The following HNRNPH1 variants were observed in gnomAD, a reference collection of about 807,000 sequenced individuals.
The protein encoded by HNRNPH1 is heterogeneous nuclear ribonucleoprotein H.
A neutral mutation model predicts 58.6 loss-of-function variants in HNRNPH1; 4 were observed. That is an observed-to-expected ratio of 0.07 (90% CI 0.03 to 0.16). The LOEUF is 0.16. Among genes scored for constraint, HNRNPH1 ranks in the 10% least tolerant of loss-of-function variants. HNRNPH1 has a pLI of 1.00. For synonymous variants in HNRNPH1, 192 were observed against 189.2 expected (o/e 1.01, Z -0.12); for missense variants, 271 against 564.2 (o/e 0.48, Z 5.26).
intron 12 of HNRNPH1, 92 bp from the exon 14 acceptor site, chr5:179,615,051 C>CGA: frequency 2.5e-6 from 2 of 813,442 alleles, no homozygotes. Context: ...AAAAAGTATA[C>CGA]GAGTACAAAT....
upstream of HNRNPH1, among the ~76,000 whole-genome samples, chr5:179,627,118 T>C (rs942724515): frequency 6.6e-6 from 1 of 152,120 alleles, no homozygotes; most frequent in Non-Finnish European, 1.5e-5. Flanking sequence ...ACAGAGCTCT[T>C]TATTAAGGCT....
intron 3 of HNRNPH1, chr5:179,620,574 G>A: frequency 8.0e-6 from 2 of 250,086 alleles, no homozygotes; most frequent in Non-Finnish European, 7.9e-6. Context: ...GCTGGTAAAG[G>A]GATCTTACCT....
chr5:179,615,144 G>A, intron 12 of HNRNPH1, 185 bp from the exon 14 acceptor site: 1 of 556,238 alleles, frequency 1.8e-6, no homozygotes, highest in Non-Finnish European at 3.2e-6. Flanking sequence ...CCTTTTCTCT[G>A]CAGTACCAAC....
upstream of HNRNPH1, among the ~76,000 whole-genome samples, chr5:179,626,269 CTTTT>C (rs1203635211): frequency 6.6e-6 from 1 of 151,440 alleles, no homozygotes; most frequent in African/African-American, 2.4e-5. Flanking sequence ...CACCTGGCTA[CTTTT>C]TTTTAAGTTT....
At chr5:179,634,107 T>C (rs1222741056) in exon 2 of HNRNPH1, 2 of 147,292 alleles carry the variant, frequency 1.4e-5, no homozygotes, top group African/African-American at 5.0e-5. Flanking sequence ...GGGCAGGCTT[T>C]GGCCAGCTTC....
chr5:179,617,176 TA>T, intron 8 of HNRNPH1, 66 bp from the exon 10 acceptor site: 2 of 1,476,648 alleles, frequency 1.4e-6, no homozygotes, highest in Non-Finnish European at 1.9e-6. Flanking sequence ...AGCACTTTTA[TA>T]AAGTTTTTAA....
rs755991354 is a variant in HNRNPH1 at position 179,621,411 on chromosome 5, A to C, written c.98-14T>G. ...GAATTTTGCAGTCTGGAAAGAAAAC[A>C]ACCGTTAATACAGAATTTAAAACCT... is the stretch of plus-strand genomic sequence containing the variant. On this transcript the variant is annotated splice_polypyrimidine_tract_variant and intron_variant, in intron 1 of 12. Transcript: ENST00000356731. The C allele has an allele frequency of 3.8e-5, 62 of 1,611,214 alleles. No homozygotes were observed. In the East Asian group the frequency reaches 6.5e-4, roughly 17 times the overall value.
intron 2 of HNRNPH1, among the ~76,000 whole-genome samples, chr5:179,632,608 G>C (rs1037477137): frequency 3.9e-5 from 6 of 152,242 alleles, no homozygotes; most frequent in Non-Finnish European, 8.8e-5. Flanking sequence ...ACGGCCACCT[G>C]AGGAGGGACC....
At chr5:179,624,879 G>A (rs1166103194), upstream of HNRNPH1, among the ~76,000 whole-genome samples, 1 of 152,210 alleles carries the variant, frequency 6.6e-6, no homozygotes, top group African/African-American at 2.4e-5. Flanking sequence ...CAGTGCCACA[G>A]AGTCCGAATC....
chr5:179,615,074 A>C (rs1244557720), intron 12 of HNRNPH1, 115 bp from the exon 14 acceptor site: 1 of 696,282 alleles, frequency 1.4e-6, no homozygotes, highest in East Asian at 2.7e-5. Context: ...CTGCTGTCCA[A>C]GTGGCGAGAC....
chr5:179,615,596 C>A lies in HNRNPH1; in HGVS notation c.1301-1G>T. 6.5e-7 allele frequency: 1 copy of A among 1,543,518 alleles called. No homozygotes were observed. The highest frequency in any genetic ancestry group is 1.1e-5 in the South Asian group (1 of 88,352). ...CTGGAGTTTTCCTGTAAAACTTGGT[C>A]TGCAAAAGGATTTTGTAGGGTAAGA... On this transcript the variant is annotated splice_acceptor_variant, in intron 11 of 12. Transcript: ENST00000356731. LOFTEE classifies it high-confidence loss of function.
At chr5:179,623,119 C>A in exon 1 of HNRNPH1, 1 of 1,607,126 alleles carries the variant, frequency 6.2e-7, no homozygotes, top group African/African-American at 1.3e-5. Context: ...CTCCACCTTC[C>A]GTGCCCAACA....
chr5:179,618,686 C>T lies in HNRNPH1; in HGVS notation c.537-363G>A, dbSNP rs528912602. On this transcript the variant is annotated intron_variant, in intron 4 of 12. Transcript: ENST00000356731. ...TATAGCAAGTGGGCTAAAAAGCCAGCCTCCACCAACAGTCCAGCCCACACT... is the reference window on the plus strand; with the variant it reads ...TATAGCAAGTGGGCTAAAAAGCCAGTCTCCACCAACAGTCCAGCCCACACT... 5.0e-5 allele frequency: 9 copies of T among 181,648 alleles called. No homozygotes were observed. In the South Asian group the frequency reaches 1.2e-3, roughly 24 times the overall value. 11.3% of individuals were successfully genotyped at this position (181,648 alleles called of 1,614,324 possible).
At chr5:179,625,261 C>T (rs1415750949), upstream of HNRNPH1, among the ~76,000 whole-genome samples, 1 of 152,030 alleles carries the variant, frequency 6.6e-6, no homozygotes, top group African/African-American at 2.4e-5. Context: ...TTTGGGAGGC[C>T]GAGGCAGGCA....
chr5:179,616,311 G>C, intron 10 of HNRNPH1, 93 bp from the exon 12 acceptor site: 1 of 1,015,724 alleles, frequency 9.8e-7, no homozygotes, highest in Admixed American at 1.7e-5. Flanking sequence ...TCATTTTCCA[G>C]TCTTGATCTT....
At chr5:179,615,630 C>A (rs1449118375) in intron 11 of HNRNPH1, 35 bp from the exon 13 acceptor site, 2 of 1,103,490 alleles carry the variant, frequency 1.8e-6, no homozygotes, top group South Asian at 1.3e-5. Context: ...GACTATAATA[C>A]CAAAATCACC....
At chr5:179,616,445 C>A (rs905265834) in intron 10 of HNRNPH1, 1 of 561,052 alleles carries the variant, frequency 1.8e-6, no homozygotes, top group Non-Finnish European at 3.2e-6. Context: ...ATCAGCAGGA[C>A]TAAAATCAAC....
intron 1 of HNRNPH1, 180 bp from the exon 3 acceptor site, chr5:179,621,577 A>C: frequency 1.7e-6 from 1 of 596,776 alleles, no homozygotes; most frequent in African/African-American, 1.9e-5. Context: ...ACTCATTCCT[A>C]AGGTGATATA....
upstream of HNRNPH1, among the ~76,000 whole-genome samples, chr5:179,625,643 G>C (rs762438121): frequency 7.7e-6 from 1 of 130,694 alleles, no homozygotes; most frequent in Non-Finnish European, 1.6e-5. Flanking sequence ...TGGGCAATAA[G>C]AGCAAAACTC....
Sources: gnomAD v4.1 joint callset for allele counts (sites outside exome capture counted in the v4.1 genomes callset) on GRCh38, gnomAD v4.1.1 for gene constraint, MANE v1.5 for transcripts, NCBI Gene and HGNC (gene_info 2026-07-23, HGNC 2026-07-21) for gene names.